Variants in SETD2 observed in about 807,000 individuals in gnomAD.
SETD2 encodes the protein histone-lysine N-methyltransferase SETD2.
In SETD2, 31 loss-of-function variants were observed where a neutral mutation model predicts 242.1. The observed-to-expected ratio is 0.13, with a 90% CI of 0.10 to 0.17. The LOEUF is 0.17. Ranked by LOEUF, SETD2 falls within the 10% of genes least tolerant of loss-of-function variation. SETD2 has a pLI of 1.00. For missense variants in SETD2, 2,481 were observed against 3,046.3 expected (o/e 0.81, Z 4.37); for synonymous variants, 1,006 against 1,066.5 (o/e 0.94, Z 1.11).
In SETD2 at chr3:47,090,966, G is replaced by A. The variant is rs117372489; in HGVS notation, c.5143-2719C>T. On this transcript the variant is annotated intron_variant, in intron 9 of 20. Coordinates refer to ENST00000409792, the MANE Select transcript of SETD2 (RefSeq NM_014159.7). ...TATTGTACCCAAAAATTCACATTCT[G>A]GTAAAGAACAAGAATAAATGAGAAA... is the stretch of plus-strand genomic sequence containing the variant. Among the ~76,000 whole-genome samples the A allele has an allele frequency of 1.2e-4, 18 of 152,110 alleles. 1 individual carries two copies. The East Asian group carries it at 3.3e-3, about 28-fold the overall frequency.
intron 1 of SETD2, among the ~76,000 whole-genome samples, chr3:47,146,019 A>G (rs2043842928): frequency 6.7e-6 from 1 of 148,466 alleles, no homozygotes; most frequent in Admixed American, 6.7e-5. Flanking sequence ...CTGTCTCAAA[A>G]AAAAAAAAAA....
chr3:47,101,329 A>G (rs995988905), intron 8 of SETD2, 129 bp downstream of exon 8: 1 of 591,696 alleles, frequency 1.7e-6, no homozygotes, highest in Non-Finnish European at 3.0e-6. Flanking sequence ...AAACCAAAAC[A>G]ATATCTTATA....
chr3:47,145,030 A>G (rs1198348352), intron 1 of SETD2, among the ~76,000 whole-genome samples: 1 of 152,256 alleles, frequency 6.6e-6, no homozygotes. Flanking sequence ...ATTAAATAGT[A>G]GACAATATTA....
At position 47,017,370 on chromosome 3, in the gene SETD2, G is replaced by T; in HGVS notation, c.7534-116C>A. The T allele has an allele frequency of 8.9e-7, 1 of 1,120,170 alleles. No individual in the cohort carries two copies. The highest frequency in any genetic ancestry group is 1.3e-6 in the Non-Finnish European group (1 of 784,408). 69.4% of individuals were successfully genotyped at this position (1,120,170 alleles called of 1,614,324 possible). On this transcript the variant is annotated intron_variant, in intron 20 of 20. Transcript: ENST00000409792. The surrounding 1 kb of genome is among the most constrained non-coding windows in gnomAD (Gnocchi z 4.8). Reference sequence around the variant, plus strand: ...CTTCAGGGCCCTTCTCACCAAGACAGGAAGTTAATAAGGGGGTAGATGTTG... The same window carrying T: ...CTTCAGGGCCCTTCTCACCAAGACATGAAGTTAATAAGGGGGTAGATGTTG...
chr3:47,110,579 C>G (rs1011487056), intron 5 of SETD2, among the ~76,000 whole-genome samples: 8 of 152,154 alleles, frequency 5.3e-5, no homozygotes, highest in Non-Finnish European at 4.4e-5. Flanking sequence ...CACTTTAACA[C>G]TAACTAGTAA....
chr3:47,042,272 G>C (rs1227740416), intron 17 of SETD2, among the ~76,000 whole-genome samples: 1 of 152,214 alleles, frequency 6.6e-6, no homozygotes, highest in Non-Finnish European at 1.5e-5. Flanking sequence ...TGAGGCACGA[G>C]AATCACTTGA....
At chr3:47,148,110 TTTG>T (rs144690368) in intron 1 of SETD2, among the ~76,000 whole-genome samples, 35,053 of 148,782 alleles carry the variant, frequency 0.24, 4,559 homozygotes, top group African/African-American at 0.34. Flanking sequence ...TTGGTTGTGT[TTTG>T]TTGTTGTTGT....
chr3:47,119,268 G>C (rs931485801), intron 3 of SETD2, among the ~76,000 whole-genome samples: 4 of 151,974 alleles, frequency 2.6e-5, no homozygotes, highest in Admixed American at 2.6e-4. Flanking sequence ...TGCTCTAGAG[G>C]ACTATGTTTT....
At chr3:47,092,638 A>G (rs925353871) in intron 9 of SETD2, among the ~76,000 whole-genome samples, 1 of 151,794 alleles carries the variant, frequency 6.6e-6, no homozygotes. Flanking sequence ...TCATTGCAAG[A>G]TACTATTTTT....
intron 9 of SETD2, among the ~76,000 whole-genome samples, chr3:47,092,484 T>C (rs1005474255): frequency 3.3e-5 from 5 of 149,908 alleles, no homozygotes. Context: ...TTTTAAATTA[T>C]TGATAAACTG....
chr3:47,072,515 A>G (rs1265528904), intron 12 of SETD2, among the ~76,000 whole-genome samples: 1 of 152,058 alleles, frequency 6.6e-6, no homozygotes, highest in Non-Finnish European at 1.5e-5. Context: ...AATACTGAGA[A>G]AGAGAAAAAA....
At chr3:47,114,241 G>A (rs771492026) in intron 4 of SETD2, among the ~76,000 whole-genome samples, 32 of 152,154 alleles carry the variant, frequency 2.1e-4, no homozygotes, top group Middle Eastern at 3.4e-3. Context: ...TTGATATCTG[G>A]TCATCACAGA....
chr3:47,024,491 C>A (rs1484865953), intron 18 of SETD2, among the ~76,000 whole-genome samples: 2 of 150,898 alleles, frequency 1.3e-5, no homozygotes, highest in African/African-American at 4.9e-5. Context: ...AATAAACAAA[C>A]AAACAAACAA....
chr3:47,061,556 A>T (rs2040330802), intron 14 of SETD2, among the ~76,000 whole-genome samples: 1 of 152,216 alleles, frequency 6.6e-6, no homozygotes, highest in Non-Finnish European at 1.5e-5. Context: ...CTATTTAGTA[A>T]TTAGGGGAAT....
intron 1 of SETD2, among the ~76,000 whole-genome samples, chr3:47,133,109 T>C (rs2043516115): frequency 6.6e-6 from 1 of 152,230 alleles, no homozygotes; most frequent in South Asian, 2.1e-4. Context: ...TAATGATGTA[T>C]ACATATATGT....
In SETD2 at chr3:47,121,895, C is replaced by T. The variant is rs2106663558; in HGVS notation, c.2741G>A (p.Ser914Asn). 5 of 1,613,952 alleles carry T rather than the reference C, an allele frequency of 3.1e-6. No homozygotes were observed. Among genetic ancestry groups the T allele is most frequent in the South Asian group, 1.1e-5 (1 of 91,082 alleles). Reference sequence around the variant, plus strand: ...CTTTAAAAACTCTGAACTTTTTTTACTCTTTAGCACTGCATCCAGAACTGG... The same window carrying T: ...CTTTAAAAACTCTGAACTTTTTTTATTCTTTAGCACTGCATCCAGAACTGG... ...TSPVLDAVLK[S>N]KKSSEFLKHA... The change falls in exon 3 of 21, where the codon AGT becomes AAT. Residue 914 changes from serine to asparagine, a missense_variant. Ser to Asn is a conservative substitution (Grantham distance 46, BLOSUM62 1). Coordinates refer to ENST00000409792, the MANE Select transcript of SETD2 (RefSeq NM_014159.7).
In SETD2 at chr3:47,017,789, A is replaced by C. The variant is rs1349540811; in HGVS notation, c.7432-50T>G. ...GTTGCTCAACAGTCCAGAGAGGGCA[A>C]GGAGTTGTACTGAGGAAATAACTAG... On this transcript the variant is annotated intron_variant, in intron 19 of 20. Transcript: ENST00000409792. The surrounding 1 kb of genome is among the most constrained non-coding windows in gnomAD (Gnocchi z 4.8). 1 of 1,300,342 alleles carries C rather than the reference A, an allele frequency of 7.7e-7. No individual in the cohort carries two copies. Among genetic ancestry groups the C allele is most frequent in the Non-Finnish European group, 1.1e-6 (1 of 894,028 alleles). The allele number at this position is 1,300,342 out of a possible 1,614,324, so 80.6% of individuals were successfully genotyped here.
intron 18 of SETD2, among the ~76,000 whole-genome samples, chr3:47,037,403 T>C (rs1179218424): frequency 6.6e-6 from 1 of 151,258 alleles, no homozygotes; most frequent in Admixed American, 6.6e-5. Context: ...GTCCTTGCGA[T>C]AGTTTGCTGA....
At chr3:47,061,166 C>G (rs1257165738) in intron 14 of SETD2, among the ~76,000 whole-genome samples, 1 of 151,770 alleles carries the variant, frequency 6.6e-6, no homozygotes, top group Non-Finnish European at 1.5e-5. Flanking sequence ...TGCAGTGAGC[C>G]GAGATCATGC....
Sources: allele counts gnomAD v4.1 joint callset (sites outside exome capture counted in the v4.1 genomes callset), GRCh38; gene constraint gnomAD v4.1.1; non-coding constraint Gnocchi (gnomAD v3.1); transcripts MANE v1.5; gene names NCBI Gene and HGNC (gene_info 2026-07-23, HGNC 2026-07-21).